The following IGFBP3 variants were observed in gnomAD, a reference collection of about 807,000 sequenced individuals.
IGFBP3 encodes the protein insulin like growth factor binding protein 3.
A neutral mutation model predicts 28.6 loss-of-function variants in IGFBP3; 9 were observed. That is an observed-to-expected ratio of 0.31 (90% CI 0.19 to 0.55). IGFBP3 has a LOEUF of 0.55. IGFBP3 is among the 20% of genes least tolerant of loss of function. The probability of loss-of-function intolerance (pLI) is 0.93; values close to 1 mark genes in which losing one functional copy is unlikely to be tolerated. For synonymous variants in IGFBP3, 185 were observed against 188.2 expected (o/e 0.98, Z 0.14); for missense variants, 382 against 428.9 (o/e 0.89, Z 0.97).
In IGFBP3 at chr7:45,914,865, G is replaced by C. The variant is rs1364164872; in HGVS notation, c.831C>G (p.Thr277=). 6.2e-7 allele frequency: 1 copy of C among 1,614,186 alleles called. No individual in the cohort carries two copies. The highest frequency in any genetic ancestry group is 2.2e-5 in the East Asian group (1 of 44,882). ...AGCAGTGCACGTCCTCCTTCCCCTT[G>C]GTGGTGTAGCCTGGGAGAGGCTGCC... ...KYGQPLPGYT[T]KGKEDVHCYS... is the part of the protein sequence containing the mutation. The change falls in exon 4 of 5, where the codon ACC becomes ACG. Residue 277 remains threonine, a synonymous_variant. Coordinates refer to ENST00000613132, the MANE Select transcript of IGFBP3 (RefSeq NM_000598.5).
intron 1 of IGFBP3, among the ~76,000 whole-genome samples, chr7:45,918,086 A>T (rs758333993): frequency 5.7e-4 from 86 of 152,204 alleles, no homozygotes; most frequent in Non-Finnish European, 1.0e-3. Flanking sequence ...TCATGCAAGC[A>T]TGTTGGTGGC....
rs754104849 is a variant in IGFBP3, at chr7:45,916,602, G to A, written c.696C>T (p.Pro232=). ...CACAGTTGGGAATGTGTACACCCCTGGGACTCAGCACATTGAGGAACTTCA... is the reference window on the plus strand; with the variant it reads ...CACAGTTGGGAATGTGTACACCCCTAGGACTCAGCACATTGAGGAACTTCA... ...NHLKFLNVLS[P]RGVHIPNCDK... is the part of the protein sequence containing the mutation. The change falls in exon 3 of 5, where the codon CCC becomes CCT. Residue 232 remains proline (P), a synonymous_variant. Transcript: ENST00000613132. 3.7e-6 allele frequency: 6 copies of A among 1,613,178 alleles called. No individual in the cohort carries two copies. The highest frequency in any genetic ancestry group is 4.5e-5 in the East Asian group (2 of 44,878).
At chr7:45,916,490 T>A (rs1170452546) in intron 3 of IGFBP3, 58 bp downstream of exon 3, 3 of 1,562,670 alleles carry the variant, frequency 1.9e-6, no homozygotes, top group Admixed American at 3.4e-5. Flanking sequence ...GCTGGTGAGA[T>A]GGGTTTCTCC....
chr7:45,917,408 G>A lies in IGFBP3; in HGVS notation c.435C>T (p.Ser145=), dbSNP rs1562581242. The A allele has an allele frequency of 6.2e-7, 1 of 1,613,552 alleles. No homozygotes were observed. The stretch of plus-strand genomic sequence containing the variant: ...CGGACGGGCTCTCCACACTGCCGGC[G>A]CTGCGGTCTTCCTCCGACTCACTAG... ...GNASESEEDR[S]AGSVESPSVS... is the part of the protein sequence containing the mutation. Residue 145 remains serine (S), a synonymous_variant, in exon 2 of 5, where the codon AGC becomes AGT. Coordinates refer to ENST00000613132, the MANE Select transcript of IGFBP3 (RefSeq NM_000598.5).
chr7:45,914,647 T>G (rs1016049137), intron 4 of IGFBP3, 158 bp downstream of exon 4: 5 of 645,754 alleles, frequency 7.7e-6, no homozygotes, highest in Non-Finnish European at 1.0e-5. Context: ...TGCACCCTTC[T>G]GAGGGCTCTG....
rs1298827159 is a variant in IGFBP3 at position 45,917,138 on chromosome 7, T to C, written c.630+75A>G. On this transcript the variant is annotated intron_variant, in intron 2 of 4. Coordinates refer to ENST00000613132, the MANE Select transcript of IGFBP3 (RefSeq NM_000598.5). ...GCGCTGGGGTTTGTTGAGTAAGAAT[T>C]GCCCTCAAGAGGCTCTGAGTACCCA... is the stretch of plus-strand genomic sequence containing the variant. 5.7e-6 allele frequency: 7 copies of C among 1,221,224 alleles called. No homozygotes were observed. In the East Asian group the frequency reaches 1.4e-4, roughly 24 times the overall value. 75.6% of individuals were successfully genotyped at this position (1,221,224 alleles called of 1,614,324 possible). A position where few individuals can be genotyped will look rare whatever the true frequency, so the allele number is the denominator to read the frequency against.
At chr7:45,917,644 A>G (rs1049881153) in intron 1 of IGFBP3, among the ~76,000 whole-genome samples, 2 of 152,100 alleles carry the variant, frequency 1.3e-5, no homozygotes, top group African/African-American at 4.8e-5. Context: ...TCAAGAAGTT[A>G]TCTGTTTGAA....
intron 1 of IGFBP3, 53 bp downstream of exon 1, chr7:45,920,685 C>A: frequency 1.5e-6 from 2 of 1,320,760 alleles, no homozygotes; most frequent in South Asian, 2.0e-5. Flanking sequence ...CCAGGCCCTT[C>A]GGCGCCAGTG....
At chr7:45,917,571 TTTA>T in intron 1 of IGFBP3, 132 bp from the exon 2 acceptor site, 2 of 636,202 alleles carry the variant, frequency 3.1e-6, no homozygotes, top group Non-Finnish European at 5.1e-6. Context: ...AGTTTTTTTT[TTTA>T]AAATACCTCG....
chr7:45,914,905 C>A lies in IGFBP3; in HGVS notation c.791G>T (p.Cys264Phe). The change falls in exon 4 of 5, where the codon TGT becomes TTT. Residue 264 changes from cysteine to phenylalanine, a missense_variant. Transcript: ENST00000613132. ...GAGAGGCTGCCCATACTTATCCACA[C>A]ACCAGCAGAAGCCCCGCTTCCTGCC... ...SKGRKRGFCW[C>F]VDKYGQPLPG... 6.2e-7 allele frequency: 1 copy of A among 1,614,174 alleles called. No individual in the cohort carries two copies. Among genetic ancestry groups the A allele is most frequent in the South Asian group, 1.1e-5 (1 of 91,084 alleles).
At chr7:45,916,989 G>A in intron 2 of IGFBP3, 1 of 583,818 alleles carries the variant, frequency 1.7e-6, no homozygotes, top group South Asian at 2.2e-5. Context: ...CATCCCATAT[G>A]CTTTTAAGAG....
chr7:45,915,084 C>T (rs983988966), intron 3 of IGFBP3, 139 bp from the exon 4 acceptor site: 2 of 1,002,472 alleles, frequency 2.0e-6, no homozygotes, highest in South Asian at 3.1e-5. Context: ...TAAGGCAACA[C>T]AAGAGCCATG....
intron 2 of IGFBP3, 28 bp downstream of exon 2, chr7:45,917,185 C>T: frequency 6.4e-7 from 1 of 1,572,334 alleles, no homozygotes; most frequent in Non-Finnish European, 8.8e-7. Flanking sequence ...TCTTGCCCTC[C>T]TCCTTTAACA....
chr7:45,920,647 A>G, intron 1 of IGFBP3, 91 bp downstream of exon 1: 1 of 1,162,880 alleles, frequency 8.6e-7, no homozygotes, highest in Non-Finnish European at 1.1e-6. Context: ...AGAAAAGCGG[A>G]GTCTCCCGCA....
intron 4 of IGFBP3, 89 bp from the exon 5 acceptor site, chr7:45,913,923 T>A (rs2116572169): frequency 1.3e-5 from 2 of 152,348 alleles, no homozygotes; most frequent in Non-Finnish European, 2.9e-5. Flanking sequence ...CAGCACAGCC[T>A]GCAGGCTAAT....
At chr7:45,916,206 C>G (rs759678721) in intron 3 of IGFBP3, among the ~76,000 whole-genome samples, 1 of 152,196 alleles carries the variant, frequency 6.6e-6, no homozygotes, top group Non-Finnish European at 1.5e-5. Flanking sequence ...CTCCCTGACG[C>G]AGCATTAACA....
Position 45,916,684 on chromosome 7 carries a change from A to G in IGFBP3, c.631-17T>C. The G allele has an allele frequency of 6.2e-7, 1 of 1,606,228 alleles. No individual in the cohort carries two copies. Among genetic ancestry groups the G allele is most frequent in the Non-Finnish European group, 8.5e-7 (1 of 1,173,466 alleles). On this transcript the variant is annotated splice_polypyrimidine_tract_variant and intron_variant, in intron 2 of 4. Transcript: ENST00000613132. ...GCAGGGACCCTGGGGATCAGGAAGG[A>G]CCAGAGCAACAGAGTCACAGTTTTT... is the stretch of plus-strand genomic sequence containing the variant.
At chr7:45,916,512 A>G in intron 3 of IGFBP3, 36 bp downstream of exon 3, 1 of 1,596,342 alleles carries the variant, frequency 6.3e-7, no homozygotes, top group South Asian at 1.1e-5. Context: ...CTGTGTCAAC[A>G]GAAGAGGAAG....
Position 45,920,752 on chromosome 7 carries a change from G to C in IGFBP3, c.389C>G (p.Ala130Gly). 1 of 1,418,592 alleles carries C rather than the reference G, an allele frequency of 7.0e-7. No homozygotes were observed. 87.9% of individuals were successfully genotyped at this position (1,418,592 alleles called of 1,614,324 possible). A position where few individuals can be genotyped will look rare whatever the true frequency, so the allele number is the denominator to read the frequency against. The stretch of plus-strand genomic sequence containing the variant: ...GGGCGGCTCACCTGGAGCTGGCGGC[G>C]CTGGCAGCAGGTAGGCGCGCAGGCG... ...VSRLRAYLLP[A>G]PPAPGNASES... is the part of the protein sequence containing the mutation. Residue 130 changes from alanine (A) to glycine (G), a missense_variant, in exon 1 of 5, where the codon GCG (alanine) becomes GGG (glycine). Physicochemically the swap from Ala to Gly is moderately conservative, Grantham distance 60 (BLOSUM62 0). Coordinates refer to ENST00000613132, the MANE Select transcript of IGFBP3 (RefSeq NM_000598.5).
Sources: gnomAD v4.1 joint callset for allele counts (sites outside exome capture counted in the v4.1 genomes callset) on GRCh38, gnomAD v4.1.1 for gene constraint, MANE v1.5 for transcripts, NCBI Gene and HGNC (gene_info 2026-07-23, HGNC 2026-07-21) for gene names.